The following SIRT7 variants were observed in gnomAD, a reference collection of about 807,000 sequenced individuals.
The protein encoded by SIRT7 is NAD-dependent protein deacetylase sirtuin-7.
A neutral mutation model predicts 42.8 loss-of-function variants in SIRT7; 32 were observed. That is an observed-to-expected ratio of 0.75 (90% CI 0.56 to 1.00). The LOEUF (loss-of-function observed/expected upper bound fraction) is 1.00. Among genes scored for constraint, SIRT7 ranks in the 50% least tolerant of loss-of-function variants. SIRT7 has a pLI of 0.00. For missense variants in SIRT7, 553 were observed against 572.2 expected (o/e 0.97, Z 0.34); for synonymous variants, 297 against 245.2 (o/e 1.21, Z -1.97).
Position 81,913,883 on chromosome 17 carries a change from G to A in SIRT7, c.898-3C>T, listed in dbSNP as rs1381972383. ...GCCCAGTCATCCTTCGGGGTCCACT[G>A]AGGACAGGGAAAGCCGAGTGAGAGT... On this transcript the variant is annotated splice_polypyrimidine_tract_variant and splice_region_variant and intron_variant, in intron 8 of 9. Transcript: ENST00000328666. This position sits in a 1 kb window ranked among gnomAD's most constrained non-coding sequence, Gnocchi z 5.0. The A allele has an allele frequency of 6.4e-7, 1 of 1,551,306 alleles. No homozygotes were observed. Among genetic ancestry groups the A allele is most frequent in the East Asian group, 2.4e-5 (1 of 41,166 alleles).
In SIRT7 at chr17:81,917,962, C is replaced by T. The variant is rs747546915; in HGVS notation, c.99G>A (p.Ser33=). 6 of 1,352,438 alleles carry T rather than the reference C, an allele frequency of 4.4e-6. No individual in the cohort carries two copies. Among genetic ancestry groups the T allele is most frequent in the South Asian group, 3.8e-5 (2 of 53,192 alleles). 83.8% of individuals were successfully genotyped at this position (1,352,438 alleles called of 1,614,324 possible). A position where few individuals can be genotyped will look rare whatever the true frequency, so the allele number is the denominator to read the frequency against. ...CCGCCGCCGCCTTCCTCAGGATGCGCGACACCTGCGGGCAGGCGGACGGTG... is the reference window on the plus strand; with the variant it reads ...CCGCCGCCGCCTTCCTCAGGATGCGTGACACCTGCGGGCAGGCGGACGGTG... ...EQQRERLRQV[S]RILRKAAAER... is the part of the protein sequence containing the mutation. Residue 33 remains serine, a synonymous_variant, in exon 2 of 10, where the codon TCG becomes TCA. Coordinates refer to ENST00000328666, the MANE Select transcript of SIRT7 (RefSeq NM_016538.3).
At chr17:81,915,398 G>A in intron 5 of SIRT7, 42 bp downstream of exon 5, 1 of 1,592,228 alleles carries the variant, frequency 6.3e-7, no homozygotes, top group Non-Finnish European at 8.6e-7. Flanking sequence ...AAGGTGCTCT[G>A]CCTGGTCCCT....
intron 5 of SIRT7, 81 bp from the exon 6 acceptor site, chr17:81,914,783 G>A (rs2040762740): frequency 5.1e-6 from 6 of 1,182,628 alleles, no homozygotes; most frequent in Non-Finnish European, 7.4e-6. Context: ...CAGCGAGGCT[G>A]TTCTGAGCCC....
At position 81,913,876 on chromosome 17, in the gene SIRT7, G is replaced by T; in HGVS notation, c.902C>A (p.Thr301Asn). ...PKLYIVNLQW[T>N]PKDDWAALKL... The stretch of plus-strand genomic sequence containing the variant: ...CAGGGCAGCCCAGTCATCCTTCGGG[G>T]TCCACTGAGGACAGGGAAAGCCGAG... The change falls in exon 9 of 10, where the codon ACC becomes AAC. Residue 301 changes from threonine (T) to asparagine (N), a missense_variant. Transcript: ENST00000328666. The surrounding 1 kb of genome is among the most constrained non-coding windows in gnomAD (Gnocchi z 5.0). The T allele has an allele frequency of 6.4e-7, 1 of 1,551,342 alleles. No homozygotes were observed. The highest frequency in any genetic ancestry group is 8.7e-7 in the Non-Finnish European group (1 of 1,147,788).
At position 81,915,503 on chromosome 17, in the gene SIRT7, G is replaced by A. The variant is rs2040778200; in HGVS notation, c.417C>T (p.Asp139=). 3 of 1,613,710 alleles carry A rather than the reference G, an allele frequency of 1.9e-6. No homozygotes were observed. The African/African-American group carries it at 4.0e-5, about 21-fold the overall frequency. Residue 139 remains aspartate (D), a synonymous_variant, in exon 5 of 10, where the codon GAC becomes GAT. Coordinates refer to ENST00000328666, the MANE Select transcript of SIRT7 (RefSeq NM_016538.3). ...LQKGRSVSAA[D]LSEAEPTLTH... is the part of the protein sequence containing the mutation. ...TGAGGGTTGGCTCGGCCTCGCTCAGGTCGGCAGCACTGCCAGGCAGAAAGG... is the reference window on the plus strand; with the variant it reads ...TGAGGGTTGGCTCGGCCTCGCTCAGATCGGCAGCACTGCCAGGCAGAAAGG...
rs1341006066 is a variant in SIRT7 at position 81,913,253 on chromosome 17, C to A, written c.1004+521G>T. On this transcript the variant is annotated intron_variant, in intron 9 of 9. Coordinates refer to ENST00000328666, the MANE Select transcript of SIRT7 (RefSeq NM_016538.3). This position sits in a 1 kb window ranked among gnomAD's most constrained non-coding sequence, Gnocchi z 5.0. ...GTGAAGGGATCCTTAATTTCTTGAACCCTTTGATTAAAAGAAGTTATTGAT... is the reference window on the plus strand; with the variant it reads ...GTGAAGGGATCCTTAATTTCTTGAAACCTTTGATTAAAAGAAGTTATTGAT... 4.4e-6 allele frequency: 2 copies of A among 455,852 alleles called. No individual in the cohort carries two copies. Among genetic ancestry groups the A allele is most frequent in the Admixed American group, 2.4e-5 (1 of 42,496 alleles). The allele number at this position is 455,852 out of a possible 1,614,324, so 28.2% of individuals were successfully genotyped here.
At position 81,912,591 on chromosome 17, in the gene SIRT7, A is replaced by G; in HGVS notation, c.1028T>C (p.Leu343Pro). ...YSRWQDPIFS[L>P]ATPLRAGEEG... is the part of the protein sequence containing the mutation. ...TTCACCAGCACGCAGGGGAGTCGCC[A>G]GTGAGAAAATGGGATCCTGCCACCT... The change falls in exon 10 of 10, where the codon CTG becomes CCG. Residue 343 changes from leucine (L) to proline (P), a missense_variant. Transcript: ENST00000328666. 6.2e-7 allele frequency: 1 copy of G among 1,613,414 alleles called. No individual in the cohort carries two copies. Among genetic ancestry groups the G allele is most frequent in the Non-Finnish European group, 8.5e-7 (1 of 1,179,932 alleles).
In SIRT7 at chr17:81,914,443, G is replaced by A. The variant is rs767351925; in HGVS notation, c.667C>T (p.Arg223Trp). The A allele has an allele frequency of 7.4e-6, 12 of 1,612,772 alleles. No homozygotes were observed. The highest frequency in any genetic ancestry group is 1.7e-5 in the Admixed American group (1 of 59,974). ...TGGGTCCCACACTTGTGGCAGGTCC[G>A]GCCTGTCTGGTGTCTGTGGAGGGCA... ...RTALHRHQTG[R>W]TCHKCGTQLR... Residue 223 changes from arginine to tryptophan, a missense_variant, in exon 7 of 10, where the codon CGG (arginine) becomes TGG (tryptophan). Coordinates refer to ENST00000328666, the MANE Select transcript of SIRT7 (RefSeq NM_016538.3).
Position 81,914,541 on chromosome 17 carries a change from G to A in SIRT7, c.580-11C>T, listed in dbSNP as rs1241544008. On this transcript the variant is annotated splice_polypyrimidine_tract_variant and intron_variant, in intron 6 of 9. Coordinates refer to ENST00000328666, the MANE Select transcript of SIRT7 (RefSeq NM_016538.3). ...GCAGGAGGTACAGACCTAGAGGCAA[G>A]AGGGCACAGTGAGTGGGACCCGCCT... The A allele has an allele frequency of 6.2e-7, 1 of 1,613,048 alleles. No individual in the cohort carries two copies. The highest frequency in any genetic ancestry group is 1.3e-5 in the African/African-American group (1 of 74,930).
In SIRT7 at chr17:81,914,122, T is replaced by C. The variant is rs776669497; in HGVS notation, c.862A>G (p.Ser288Gly). ...PRLWCMTKPP[S>G]RRPKLYIVNL... Reference sequence around the variant, plus strand: ...ACGATGTAAAGCTTCGGCCGCCGGCTAGGGGGCTTGGTCATGCACCAGAGG... The same window carrying C: ...ACGATGTAAAGCTTCGGCCGCCGGCCAGGGGGCTTGGTCATGCACCAGAGG... The change falls in exon 8 of 10, where the codon AGC becomes GGC. Residue 288 changes from serine (S) to glycine (G), a missense_variant. Transcript: ENST00000328666. 6.2e-7 allele frequency: 1 copy of C among 1,613,544 alleles called. No homozygotes were observed. Among genetic ancestry groups the C allele is most frequent in the Non-Finnish European group, 8.5e-7 (1 of 1,179,994 alleles).
Position 81,912,117 on chromosome 17 carries a change from T to C in SIRT7, c.*299A>G. On this transcript the variant is annotated 3_prime_UTR_variant, in exon 10 of 10. Coordinates refer to ENST00000328666, the MANE Select transcript of SIRT7 (RefSeq NM_016538.3). Reference sequence around the variant, plus strand: ...GGCCTGGTGAGCGAGGAAAGGCCGCTGGGCGCTTCCACTCTGCAGGCCGGG... The same window carrying C: ...GGCCTGGTGAGCGAGGAAAGGCCGCCGGGCGCTTCCACTCTGCAGGCCGGG... 2.1e-6 allele frequency: 1 copy of C among 474,436 alleles called. No individual in the cohort carries two copies. The highest frequency in any genetic ancestry group is 3.7e-5 in the Admixed American group (1 of 27,054). The allele number at this position is 474,436 out of a possible 1,614,324, so 29.4% of individuals were successfully genotyped here.
chr17:81,917,609 C>T lies in SIRT7; in HGVS notation c.336+6G>A. ...TCCTGGGGTACGCCTCCGCCTCCCT[C>T]CCTACCGTGCTGATTCCCGCGCCTG... On this transcript the variant is annotated splice_donor_region_variant and intron_variant, in intron 3 of 9. Coordinates refer to ENST00000328666, the MANE Select transcript of SIRT7 (RefSeq NM_016538.3). 6.3e-7 allele frequency: 1 copy of T among 1,596,980 alleles called. No homozygotes were observed. Among genetic ancestry groups the T allele is most frequent in the South Asian group, 1.1e-5 (1 of 88,896 alleles).
At chr17:81,915,872 T>G in intron 3 of SIRT7, 191 bp from the exon 4 acceptor site, 2 of 621,072 alleles carry the variant, frequency 3.2e-6, no homozygotes, top group South Asian at 1.8e-5. Flanking sequence ...TCCTCCCTTC[T>G]ACCTGGACTT....
chr17:81,917,436 G>GT (rs374653049), intron 3 of SIRT7, 179 bp downstream of exon 3: 58 of 528,252 alleles, frequency 1.1e-4, no homozygotes, highest in South Asian at 2.1e-4. Flanking sequence ...TCTACTCCTT[G>GT]TTTTTTTTAA....
In SIRT7 at chr17:81,913,931, G is replaced by A; in HGVS notation, c.898-51C>T. On this transcript the variant is annotated intron_variant, in intron 8 of 9. Transcript: ENST00000328666. This position sits in a 1 kb window ranked among gnomAD's most constrained non-coding sequence, Gnocchi z 5.0. Reference sequence around the variant, plus strand: ...AGTAACAGCAGCCCAACCCTTCCCGGTGGCCTGTCAGCCTTGGCCCCTACG... The same window carrying A: ...AGTAACAGCAGCCCAACCCTTCCCGATGGCCTGTCAGCCTTGGCCCCTACG... The A allele has an allele frequency of 6.5e-7, 1 of 1,544,714 alleles. No individual in the cohort carries two copies. Among genetic ancestry groups the A allele is most frequent in the Non-Finnish European group, 8.8e-7 (1 of 1,139,912 alleles).
In SIRT7 at chr17:81,912,091, T is replaced by C. The variant is rs556470664; in HGVS notation, c.*325A>G. On this transcript the variant is annotated 3_prime_UTR_variant, in exon 10 of 10. Coordinates refer to ENST00000328666, the MANE Select transcript of SIRT7 (RefSeq NM_016538.3). The stretch of plus-strand genomic sequence containing the variant: ...TAGAAATACGGTGAGGCCCTGAGAC[T>C]GGCCTGGTGAGCGAGGAAAGGCCGC... 2.3e-6 allele frequency: 1 copy of C among 440,870 alleles called. No homozygotes were observed. The highest frequency in any genetic ancestry group is 2.2e-5 in the South Asian group (1 of 45,080). 27.3% of individuals were successfully genotyped at this position (440,870 alleles called of 1,614,324 possible). A position where few individuals can be genotyped will look rare whatever the true frequency, so the allele number is the denominator to read the frequency against.
chr17:81,913,865 C>T lies in SIRT7; in HGVS notation c.913G>A (p.Asp305Asn). The T allele has an allele frequency of 6.4e-7, 1 of 1,551,412 alleles. No individual in the cohort carries two copies. The highest frequency in any genetic ancestry group is 8.7e-7 in the Non-Finnish European group (1 of 1,147,876). Residue 305 changes from aspartate to asparagine, a missense_variant, in exon 9 of 10, where the codon GAC (aspartate) becomes AAC (asparagine). Coordinates refer to ENST00000328666, the MANE Select transcript of SIRT7 (RefSeq NM_016538.3). The surrounding 1 kb of genome is among the most constrained non-coding windows in gnomAD (Gnocchi z 5.0). ...CCATGTAGCTTCAGGGCAGCCCAGT[C>T]ATCCTTCGGGGTCCACTGAGGACAG... ...IVNLQWTPKD[D>N]WAALKLHGKC...
intron 3 of SIRT7, chr17:81,916,996 CAG>C (rs1365530194): frequency 1.3e-5 from 2 of 152,238 alleles, no homozygotes; most frequent in Non-Finnish European, 2.9e-5. Flanking sequence ...TCCAAGAGCG[CAG>C]AGTGTGTGTC....
intron 3 of SIRT7, chr17:81,916,192 G>A (rs2040793936): frequency 6.2e-6 from 1 of 162,268 alleles, no homozygotes; most frequent in African/African-American, 2.4e-5. Flanking sequence ...TAACTTCCCA[G>A]GTTTTCAATC....
Sources: allele counts gnomAD v4.1 joint callset, GRCh38; gene constraint gnomAD v4.1.1; non-coding constraint Gnocchi (gnomAD v3.1); transcripts MANE v1.5; gene names NCBI Gene and HGNC (gene_info 2026-07-23, HGNC 2026-07-21).